WWOX: variants seen among roughly 807,000 people sequenced by gnomAD.
The protein encoded by WWOX is WW domain-containing oxidoreductase.
WWOX carries 69 observed loss-of-function variants against 46.2 expected under a neutral mutation model. The ratio of observed to expected loss-of-function variants is 1.49; its 90% CI spans 1.23 to 1.82. WWOX has a LOEUF of 1.82. Ranked by LOEUF, WWOX falls within the 40% of genes most tolerant of loss-of-function variation. The probability of loss-of-function intolerance (pLI) is 0.00; values close to 1 mark genes in which losing one functional copy is unlikely to be tolerated. For synonymous variants in WWOX, 359 were observed against 202.6 expected (o/e 1.77, Z -6.56); for missense variants, 919 against 542.6 (o/e 1.69, Z -6.89).
At chr16:78,425,880 T>C (rs913500485) in intron 7 of WWOX, among the ~76,000 whole-genome samples, 9 of 152,244 alleles carry the variant, frequency 5.9e-5, no homozygotes, top group East Asian at 1.9e-4. Context: ...TTTTCCTCCT[T>C]CTTCTCCGTC....
intron 8 of WWOX, among the ~76,000 whole-genome samples, chr16:78,785,109 T>G (rs1293486856): frequency 6.6e-6 from 1 of 152,132 alleles, no homozygotes; most frequent in Non-Finnish European, 1.5e-5. Flanking sequence ...ATAACATCCA[T>G]AAAAATAATT....
chr16:78,679,196 C>T (rs1460041535), intron 8 of WWOX, among the ~76,000 whole-genome samples: 1 of 150,288 alleles, frequency 6.7e-6, no homozygotes, highest in African/African-American at 2.4e-5. Flanking sequence ...GAATAGATTA[C>T]AGGTGCCCGA....
At chr16:78,834,857 G>T (rs879407924) in intron 8 of WWOX, among the ~76,000 whole-genome samples, 1 of 152,032 alleles carries the variant, frequency 6.6e-6, no homozygotes, top group African/African-American at 2.4e-5. Context: ...ATGATTGTTC[G>T]TAATGACATT....
intron 8 of WWOX, among the ~76,000 whole-genome samples, chr16:78,921,109 G>C (rs1443280572): frequency 1.3e-5 from 2 of 152,084 alleles, no homozygotes; most frequent in Admixed American, 6.6e-5. Flanking sequence ...GAAAAAAAGA[G>C]CTTCTTGACA....
intron 8 of WWOX, among the ~76,000 whole-genome samples, chr16:78,905,832 A>T (rs949197243): frequency 1.3e-5 from 2 of 152,192 alleles, no homozygotes; most frequent in Non-Finnish European, 2.9e-5. Context: ...TGGATTTCAA[A>T]TGCTAGTTGC....
intron 4 of WWOX, among the ~76,000 whole-genome samples, chr16:78,144,788 T>C (rs1450370249): frequency 6.6e-6 from 1 of 151,822 alleles, no homozygotes; most frequent in African/African-American, 2.4e-5. Flanking sequence ...ACCAAAGTGC[T>C]GGGATTACAG....
intron 8 of WWOX, among the ~76,000 whole-genome samples, chr16:78,700,439 A>G (rs991459552): frequency 1.3e-5 from 2 of 151,284 alleles, no homozygotes; most frequent in African/African-American, 4.9e-5. Context: ...CCTACCTCCA[A>G]ACACCATCTT....
intron 5 of WWOX, among the ~76,000 whole-genome samples, chr16:78,358,672 ATGTG>A (rs59222504): frequency 0.19 from 28,237 of 151,266 alleles, 3,384 homozygotes; most frequent in African/African-American, 0.34. Context: ...AATAAATAAT[ATGTG>A]TGTGTGTGTG....
Position 78,283,790 on chromosome 16 carries a change from G to A in WWOX, c.517-103070G>A, listed in dbSNP as rs757438885. 4.6e-5 allele frequency among the ~76,000 whole-genome samples: 7 copies of A among 152,194 alleles called. No homozygotes were observed. In the East Asian group the frequency reaches 1.2e-3, roughly 25 times the overall value. ...AGTGGGTTGAGCTAAATTCAGCTAC[G>A]TCAAGGAAGAGCAATAAAAGGAGAT... On this transcript the variant is annotated intron_variant, in intron 5 of 8. Transcript: ENST00000566780.
intron 6 of WWOX, among the ~76,000 whole-genome samples, chr16:78,417,265 T>C (rs1026548103): frequency 5.3e-5 from 8 of 152,040 alleles, no homozygotes; most frequent in African/African-American, 1.9e-4. Context: ...TTTGAGTTTT[T>C]AATTTTTTGT....
chr16:78,661,551 T>G (rs893287238), intron 8 of WWOX, among the ~76,000 whole-genome samples: 7 of 151,882 alleles, frequency 4.6e-5, no homozygotes, highest in African/African-American at 1.7e-4. Context: ...CATCTTCTTG[T>G]AAGGTGTTTC....
At chr16:78,411,363 C>T (rs149715194) in intron 6 of WWOX, among the ~76,000 whole-genome samples, 16 of 152,134 alleles carry the variant, frequency 1.1e-4, no homozygotes, top group African/African-American at 3.4e-4. Flanking sequence ...GGCTAATCAA[C>T]GTGTTGATTA....
intron 8 of WWOX, among the ~76,000 whole-genome samples, chr16:78,671,538 A>G (rs150868260): frequency 6.4e-4 from 98 of 152,240 alleles, no homozygotes; most frequent in Non-Finnish European, 1.1e-3. Context: ...TAGTACAACA[A>G]CCCTGCCCCT....
chr16:79,054,233 T>A (rs1425204625), intron 8 of WWOX, among the ~76,000 whole-genome samples: 1 of 152,244 alleles, frequency 6.6e-6, no homozygotes, highest in African/African-American at 2.4e-5. Flanking sequence ...CTTTCAGAGA[T>A]AATAAAAGGA....
intron 5 of WWOX, among the ~76,000 whole-genome samples, chr16:78,309,093 C>A (rs1395626096): frequency 6.6e-6 from 1 of 152,074 alleles, no homozygotes; most frequent in African/African-American, 2.4e-5. Flanking sequence ...ATCTGAAAAT[C>A]CTTGAATCCA....
chr16:78,642,430 CT>C (rs1345042594), intron 8 of WWOX, among the ~76,000 whole-genome samples: 2 of 152,146 alleles, frequency 1.3e-5, no homozygotes, highest in Non-Finnish European at 2.9e-5. Flanking sequence ...TTTGGGCTCC[CT>C]GCTTTTATTT....
intron 8 of WWOX, among the ~76,000 whole-genome samples, chr16:78,788,431 A>T (rs559810479): frequency 3.9e-4 from 60 of 152,148 alleles, no homozygotes; most frequent in African/African-American, 1.4e-3. Flanking sequence ...GAGTCTTCAG[A>T]CCCTCCCCAG....
intron 8 of WWOX, among the ~76,000 whole-genome samples, chr16:78,576,858 T>C (rs2044893887): frequency 6.6e-6 from 1 of 152,238 alleles, no homozygotes; most frequent in African/African-American, 2.4e-5. Context: ...TTGGGTATCT[T>C]AATCCTTTCT....
intron 8 of WWOX, among the ~76,000 whole-genome samples, chr16:79,055,691 C>A (rs1048942093): frequency 6.6e-6 from 1 of 152,228 alleles, no homozygotes; most frequent in Non-Finnish European, 1.5e-5. Flanking sequence ...CCAGAGCAAA[C>A]ACCCAAGGGC....
Sources: gnomAD v4.1 joint callset for allele counts (sites outside exome capture counted in the v4.1 genomes callset) on GRCh38, gnomAD v4.1.1 for gene constraint, MANE v1.5 for transcripts, NCBI Gene and HGNC (gene_info 2026-07-23, HGNC 2026-07-21) for gene names.